Variants in GABRA2 observed in about 807,000 individuals in gnomAD.
GABRA2 encodes the protein gamma-aminobutyric acid type A receptor subunit alpha2.
In GABRA2, 16 loss-of-function variants were observed where a neutral mutation model predicts 48.7. The observed-to-expected ratio is 0.33, with a 90% CI of 0.22 to 0.50. The LOEUF is 0.50. Ranked by LOEUF, GABRA2 falls within the 20% of genes least tolerant of loss-of-function variation. The pLI is 0.98. For synonymous variants in GABRA2, 185 were observed against 184.5 expected (o/e 1.00, Z -0.02); for missense variants, 275 against 535.6 (o/e 0.51, Z 4.80).
intron 4 of GABRA2, among the ~76,000 whole-genome samples, chr4:46,317,149 T>C (rs1335507926): frequency 6.6e-6 from 1 of 151,812 alleles, no homozygotes; most frequent in South Asian, 2.1e-4. Flanking sequence ...TGTTAGTGAA[T>C]GAATAAAGAG....
chr4:46,268,167 A>C lies in GABRA2; in HGVS notation c.857-6039T>G, dbSNP rs560568083. Among the ~76,000 whole-genome samples, 5 of 152,108 alleles carry C rather than the reference A, an allele frequency of 3.3e-5. No homozygotes were observed. In the South Asian group the frequency reaches 1.0e-3, roughly 32 times the overall value. ...AATGATTTTTTAGGTTTGACTGTGA[A>C]AACATAGGCAACAAAAACAAAGATA... On this transcript the variant is annotated intron_variant, in intron 8 of 9. Transcript: ENST00000381620.
chr4:46,384,783 T>C (rs930650223), intron 3 of GABRA2, among the ~76,000 whole-genome samples: 2 of 152,158 alleles, frequency 1.3e-5, no homozygotes, highest in African/African-American at 4.8e-5. Context: ...TGGATAGTAA[T>C]TCCTTATGTT....
At chr4:46,301,740 A>T (rs1187107818) in intron 8 of GABRA2, among the ~76,000 whole-genome samples, 1 of 152,196 alleles carries the variant, frequency 6.6e-6, no homozygotes, top group African/African-American at 2.4e-5. Flanking sequence ...CTCTTTTACA[A>T]GACCTTTACC....
intron 8 of GABRA2, among the ~76,000 whole-genome samples, chr4:46,276,840 G>T (rs1577871917): frequency 6.6e-6 from 1 of 152,044 alleles, no homozygotes; most frequent in Non-Finnish European, 1.5e-5. Context: ...AATCTGAAGT[G>T]TCTAACAGAG....
At chr4:46,256,495 G>T (rs991549747) in intron 9 of GABRA2, 3 of 408,252 alleles carry the variant, frequency 7.3e-6, no homozygotes, top group Non-Finnish European at 1.3e-5. Context: ...TTTTTCAAAA[G>T]GCAATTTCAG....
At chr4:46,366,012 A>G (rs772050855) in intron 3 of GABRA2, 1 of 152,122 alleles carries the variant, frequency 6.6e-6, no homozygotes, top group Non-Finnish European at 1.5e-5. Context: ...TGTATTACTA[A>G]TTTTACAAAT....
chr4:46,389,556 T>A (rs2119767), intron 1 of GABRA2, 179 bp downstream of exon 1: 112,608 of 408,946 alleles, frequency 0.28, 17,565 homozygotes, highest in East Asian at 0.65. Context: ...CAAATATGCT[T>A]CTGGTGATAA....
intron 3 of GABRA2, among the ~76,000 whole-genome samples, chr4:46,335,042 T>G (rs1731978742): frequency 6.6e-6 from 1 of 152,142 alleles, no homozygotes; most frequent in Non-Finnish European, 1.5e-5. Context: ...GTGTAATGAA[T>G]ATAGATATTT....
At chr4:46,296,964 C>T (rs996824465) in intron 8 of GABRA2, among the ~76,000 whole-genome samples, 4 of 152,038 alleles carry the variant, frequency 2.6e-5, no homozygotes, top group Admixed American at 2.0e-4. Flanking sequence ...GGTGCATTTC[C>T]GGTTGTACGA....
chr4:46,355,289 ACT>A (rs1439916923), intron 3 of GABRA2, among the ~76,000 whole-genome samples: 3 of 152,032 alleles, frequency 2.0e-5, no homozygotes, highest in Non-Finnish European at 2.9e-5. Context: ...CAGTCAACAG[ACT>A]CTTTGCATTT....
At chr4:46,320,335 C>T (rs1244459005) in intron 4 of GABRA2, among the ~76,000 whole-genome samples, 2 of 151,786 alleles carry the variant, frequency 1.3e-5, no homozygotes, top group Non-Finnish European at 1.5e-5. Flanking sequence ...CTATAAAACT[C>T]CTAGAAGAGA....
At chr4:46,332,900 C>T (rs1278974049) in intron 3 of GABRA2, among the ~76,000 whole-genome samples, 1 of 152,104 alleles carries the variant, frequency 6.6e-6, no homozygotes, top group East Asian at 1.9e-4. Flanking sequence ...AGTATTATGA[C>T]ATTCTTACTT....
At chr4:46,319,587 T>C (rs1261184932) in intron 4 of GABRA2, among the ~76,000 whole-genome samples, 1 of 151,726 alleles carries the variant, frequency 6.6e-6, no homozygotes, top group Non-Finnish European at 1.5e-5. Flanking sequence ...ATGAGAATCT[T>C]AAGAACAGAT....
At chr4:46,321,079 T>C (rs1387642282) in intron 4 of GABRA2, among the ~76,000 whole-genome samples, 1 of 151,882 alleles carries the variant, frequency 6.6e-6, no homozygotes, top group Non-Finnish European at 1.5e-5. Context: ...TGCAACAATA[T>C]AGATAAACAT....
intron 3 of GABRA2, among the ~76,000 whole-genome samples, chr4:46,355,511 A>T (rs1010337994): frequency 6.6e-6 from 1 of 152,120 alleles, no homozygotes; most frequent in Admixed American, 6.6e-5. Context: ...TCTTAAATGG[A>T]TTCTCAAATT....
intron 3 of GABRA2, among the ~76,000 whole-genome samples, chr4:46,334,240 C>T (rs1460718979): frequency 6.6e-6 from 1 of 152,012 alleles, no homozygotes; most frequent in Non-Finnish European, 1.5e-5. Context: ...CTTTAAAAAT[C>T]TTAATTATTT....
chr4:46,365,826 A>C (rs1182833433), intron 3 of GABRA2: 3 of 152,096 alleles, frequency 2.0e-5, no homozygotes, highest in African/African-American at 7.2e-5. Flanking sequence ...TCAAATGGGA[A>C]CAAAGGGAAA....
intron 9 of GABRA2, chr4:46,256,484 T>A (rs1394356980): frequency 2.5e-6 from 1 of 407,202 alleles, no homozygotes; most frequent in Non-Finnish European, 4.4e-6. Context: ...AAAACATTTG[T>A]TTTTTCAAAA....
chr4:46,373,173 G>A (rs1715202656), intron 3 of GABRA2, among the ~76,000 whole-genome samples: 1 of 152,196 alleles, frequency 6.6e-6, no homozygotes, highest in South Asian at 2.1e-4. Flanking sequence ...GAACATCTGT[G>A]TAACAAGCAT....
Sources: allele counts gnomAD v4.1 joint callset (sites outside exome capture counted in the v4.1 genomes callset), GRCh38; gene constraint gnomAD v4.1.1; transcripts MANE v1.5; gene names NCBI Gene and HGNC (gene_info 2026-07-23, HGNC 2026-07-21).